The following UTP14A variants were observed in gnomAD, a reference collection of about 807,000 sequenced individuals.
The protein encoded by UTP14A is U3 small nucleolar RNA-associated protein 14 homolog A.
Under a neutral mutation model 57.2 loss-of-function variants are expected in UTP14A, and 5 were observed. The ratio of observed to expected loss-of-function variants is 0.09; its 90% CI spans 0.05 to 0.18. The LOEUF (loss-of-function observed/expected upper bound fraction) is 0.18, where lower values mean the gene tolerates loss of function less well. Among genes scored for constraint, UTP14A ranks in the 10% least tolerant of loss-of-function variants. The pLI is 1.00. For synonymous variants in UTP14A, 169 were observed against 210.9 expected, an observed-to-expected ratio of 0.80 and a Z score of 1.72; for missense variants, 430 against 562.1, an observed-to-expected ratio of 0.76 and a Z score of 2.38.
intron 5 of UTP14A, 27 bp from the exon 6 acceptor site, chrX:129,911,739 T>C: frequency 1.7e-6 from 2 of 1,204,475 alleles, no homozygotes; most frequent in Non-Finnish European, 2.2e-6. Flanking sequence ...TGTGGCTCTT[T>C]CCGTTTACAT....
At chrX:129,924,520 C>T (rs764719725) in intron 11 of UTP14A, among the ~76,000 whole-genome samples, 1 of 107,377 alleles carries the variant, frequency 9.3e-6, no homozygotes, top group African/African-American at 3.4e-5. Flanking sequence ...CTCCTGACCT[C>T]ATGATCTGCC....
At position 129,912,043 on chromosome X, in the gene UTP14A, T is replaced by A. The variant is rs1233203737; in HGVS notation, c.537+122T>A. ...AGCATAAGTCATTTTAGCTTAGTGC[T>A]CAGAAAGAAGGGGTTGCCCATCGTC... On this transcript the variant is annotated intron_variant, in intron 6 of 14. Coordinates refer to ENST00000394422, the MANE Select transcript of UTP14A (RefSeq NM_006649.4). 7 of 903,750 alleles carry A rather than the reference T, an allele frequency of 7.7e-6. No individual in the cohort carries two copies. In the East Asian group the frequency reaches 2.4e-4, roughly 31 times the overall value. The allele number at this position is 903,750 out of a possible 1,213,427, so 74.5% of individuals were successfully genotyped here.
chrX:129,925,190 G>T lies in UTP14A; in HGVS notation c.1744G>T (p.Glu582Ter). Reference protein sequence around the residue: ...VKSLAVPTIEELEDEEERNHR... With the variant: ...VKSLAVPTIE ...GTCTTTGGCAGTTCCCACAATAGAGGAGCTGGTGAGCAGAGCCAGGGTGGT... is the reference window on the plus strand; with the variant it reads ...GTCTTTGGCAGTTCCCACAATAGAGTAGCTGGTGAGCAGAGCCAGGGTGGT... The change falls in exon 12 of 15, where the codon GAG (glutamate) becomes TAG (stop). Residue 582 changes from glutamate (E) to a stop codon, truncating the protein, a stop_gained. Coordinates refer to ENST00000394422, the MANE Select transcript of UTP14A (RefSeq NM_006649.4). LOFTEE classifies it high-confidence loss of function. 1 of 1,205,146 alleles carries T rather than the reference G, an allele frequency of 8.3e-7. No individual in the cohort carries two copies.
chrX:129,925,167 C>T lies in UTP14A; in HGVS notation c.1721C>T (p.Ser574Phe), dbSNP rs1406645026. The T allele has an allele frequency of 8.3e-6, 10 of 1,208,521 alleles. No homozygotes were observed. Among genetic ancestry groups the T allele is most frequent in the African/African-American group, 1.8e-5 (1 of 56,960 alleles). ...ACCACACAATCTCCCTCCGTGAAGTCTTTGGCAGTTCCCACAATAGAGGAG... is the reference window on the plus strand; with the variant it reads ...ACCACACAATCTCCCTCCGTGAAGTTTTTGGCAGTTCCCACAATAGAGGAG... ...LLTTQSPSVK[S>F]LAVPTIEELE... is the part of the protein sequence containing the mutation. Residue 574 changes from serine to phenylalanine, a missense_variant, in exon 12 of 15, where the codon TCT becomes TTT. Physicochemically the swap from Ser to Phe is radical, Grantham distance 155 (BLOSUM62 -2). Around this residue, in one of 4 missense-constraint regions of UTP14A, gnomAD observed 120 missense variants for 116.8 expected, o/e 1.03. Coordinates refer to ENST00000394422, the MANE Select transcript of UTP14A (RefSeq NM_006649.4).
At chrX:129,910,332 G>A (rs1220083015) in intron 4 of UTP14A, among the ~76,000 whole-genome samples, 1 of 111,244 alleles carries the variant, frequency 9.0e-6, no homozygotes, top group African/African-American at 3.3e-5. Flanking sequence ...AAAGTATAAT[G>A]GGGAGTCACT....
intron 6 of UTP14A, among the ~76,000 whole-genome samples, chrX:129,912,433 T>C (rs1180259310): frequency 9.1e-6 from 1 of 109,953 alleles, no homozygotes; most frequent in Non-Finnish European, 1.9e-5. Context: ...CTGTGTCACT[T>C]TTCATCTGCT....
chrX:129,907,978 A>C, intron 2 of UTP14A, 82 bp from the exon 3 acceptor site: 11 of 829,838 alleles, frequency 1.3e-5, no homozygotes, highest in South Asian at 2.2e-5. Flanking sequence ...ATAAATAACA[A>C]GAGATTTTAC....
intron 4 of UTP14A, among the ~76,000 whole-genome samples, chrX:129,909,444 C>T (rs760035396): frequency 1.8e-5 from 2 of 110,672 alleles, no homozygotes; most frequent in Non-Finnish European, 3.8e-5. Context: ...CTCCTGACCT[C>T]GTGATCCACC....
chrX:129,911,667 T>A lies in UTP14A; in HGVS notation c.382-99T>A, dbSNP rs751270542. On this transcript the variant is annotated intron_variant, in intron 5 of 14. Coordinates refer to ENST00000394422, the MANE Select transcript of UTP14A (RefSeq NM_006649.4). ...CTGATTCTAGCATCCTGATTCTTTC[T>A]TGGGCTAAGAAATGTTGCTTCCTAA... The A allele has an allele frequency of 2.1e-5, 21 of 1,019,846 alleles. No homozygotes were observed. The African/African-American group carries it at 3.8e-4, about 18-fold the overall frequency. The allele number at this position is 1,019,846 out of a possible 1,213,427, so 84.0% of individuals were successfully genotyped here.
At chrX:129,925,728 C>T (rs918692977) in intron 12 of UTP14A, among the ~76,000 whole-genome samples, 191 bp from the exon 13 acceptor site, 4 of 112,272 alleles carry the variant, frequency 3.6e-5, no homozygotes, top group African/African-American at 1.3e-4. Context: ...TGATAATGAG[C>T]TAGGGATATT....
rs1314175084 is a variant in UTP14A at position 129,921,487 on chromosome X, A to G, written c.1248A>G (p.Glu416=). The change falls in exon 11 of 15, where the codon GAA becomes GAG. Residue 416 remains glutamate (E), a synonymous_variant. Coordinates refer to ENST00000394422, the MANE Select transcript of UTP14A (RefSeq NM_006649.4). Reference sequence around the variant, plus strand: ...AGGGAGAAGAAAGACCAGTGGCAGAAGAAGAAATTTTGTTGAGAGAATTTG... The same window carrying G: ...AGGGAGAAGAAAGACCAGTGGCAGAGGAAGAAATTTTGTTGAGAGAATTTG... The part of the protein sequence containing the change: ...ESEGEERPVA[E]EEILLREFEE... 8.3e-7 allele frequency: 1 copy of G among 1,211,904 alleles called. No individual in the cohort carries two copies. The highest frequency in any genetic ancestry group is 1.1e-6 in the Non-Finnish European group (1 of 895,600).
At chrX:129,922,315 A>G (rs1929946004) in intron 11 of UTP14A, 1 of 112,607 alleles carries the variant, frequency 8.9e-6, no homozygotes, top group Non-Finnish European at 1.9e-5. Context: ...ACATTGAGAA[A>G]TCACTTGGCT....
chrX:129,920,983 T>G, intron 10 of UTP14A: 2 of 750,183 alleles, frequency 2.7e-6, no homozygotes, highest in Non-Finnish European at 1.6e-6. Context: ...AAATCTTATT[T>G]CACCGTTGAT....
At chrX:129,908,548 A>G in intron 3 of UTP14A, 122 bp from the exon 4 acceptor site, 1 of 684,808 alleles carries the variant, frequency 1.5e-6, no homozygotes, top group Non-Finnish European at 2.3e-6. Flanking sequence ...ATGACAAAAC[A>G]TGACCCTAGA....
At chrX:129,907,899 T>C (rs775597116) in intron 2 of UTP14A, among the ~76,000 whole-genome samples, 161 bp from the exon 3 acceptor site, 1 of 111,711 alleles carries the variant, frequency 9.0e-6, no homozygotes, top group East Asian at 2.8e-4. Context: ...GAGCTTGCAG[T>C]GAGCCAAGAT....
intron 4 of UTP14A, among the ~76,000 whole-genome samples, chrX:129,909,314 A>G (rs888886641): frequency 1.9e-5 from 2 of 102,657 alleles, no homozygotes; most frequent in African/African-American, 3.7e-5. Context: ...GGTTCACGCC[A>G]TTCTCCTTCC....
intron 2 of UTP14A, among the ~76,000 whole-genome samples, 172 bp from the exon 3 acceptor site, chrX:129,907,888 G>A (rs1406484700): frequency 1.8e-5 from 2 of 111,743 alleles, no homozygotes; most frequent in African/African-American, 3.2e-5. Context: ...CCTGGGAGGC[G>A]GAGCTTGCAG....
chrX:129,920,763 C>T lies in UTP14A; in HGVS notation c.954+11C>T. On this transcript the variant is annotated intron_variant, in intron 10 of 14. Transcript: ENST00000394422. ...AAATATGACCTGGAGGTAAGAGACCCTTGGGGTGAGAGAAGATCTGGAATT... is the reference window on the plus strand; with the variant it reads ...AAATATGACCTGGAGGTAAGAGACCTTTGGGGTGAGAGAAGATCTGGAATT... 8.3e-7 allele frequency: 1 copy of T among 1,211,614 alleles called. No homozygotes were observed. Among genetic ancestry groups the T allele is most frequent in the Admixed American group, 2.2e-5 (1 of 45,998 alleles).
At chrX:129,929,227 A>G (rs1261449816) in intron 14 of UTP14A, 109 bp from the exon 15 acceptor site, 2 of 969,280 alleles carry the variant, frequency 2.1e-6, no homozygotes, top group Non-Finnish European at 2.8e-6. Context: ...TGCAGTCATC[A>G]TGTGGAACCG....
Sources: allele counts gnomAD v4.1 joint callset (sites outside exome capture counted in the v4.1 genomes callset), GRCh38; gene constraint gnomAD v4.1.1; regional missense constraint gnomAD v4.1.1; transcripts MANE v1.5; gene names NCBI Gene and HGNC (gene_info 2026-07-23, HGNC 2026-07-21).